The following SNX8 variants were observed in gnomAD, a reference collection of about 807,000 sequenced individuals.
The protein encoded by SNX8 is sorting nexin-8.
Under a neutral mutation model 51.6 loss-of-function variants are expected in SNX8, and 25 were observed. The observed-to-expected ratio is 0.48, with a 90% CI of 0.35 to 0.68. The LOEUF is 0.68. Ranked by LOEUF, SNX8 falls within the 30% of genes least tolerant of loss-of-function variation. The pLI, the probability that SNX8 is intolerant of heterozygous loss-of-function variation, is 0.00. For missense variants in SNX8, 695 were observed against 624.0 expected (o/e 1.11, Z -1.21); for synonymous variants, 324 against 277.0 (o/e 1.17, Z -1.68).
intron 1 of SNX8, among the ~76,000 whole-genome samples, chr7:2,348,410 G>A (rs1186560419): frequency 4.0e-5 from 6 of 149,016 alleles, no homozygotes; most frequent in Admixed American, 3.4e-4. Flanking sequence ...GCGCGATCTC[G>A]GCTCACTGCA....
intron 1 of SNX8, among the ~76,000 whole-genome samples, chr7:2,342,853 C>T (rs780638180): frequency 2.0e-5 from 3 of 151,630 alleles, no homozygotes; most frequent in Non-Finnish European, 4.4e-5. Context: ...GACGGAGTCT[C>T]GCTCTGTCGC....
At chr7:2,272,594 T>C (rs911805236) in intron 3 of SNX8, among the ~76,000 whole-genome samples, 1 of 152,122 alleles carries the variant, frequency 6.6e-6, no homozygotes. Context: ...CACGCTGGTC[T>C]CCAACTCCTG....
intron 1 of SNX8, among the ~76,000 whole-genome samples, chr7:2,346,906 ATTG>A (rs1779040722): frequency 7.2e-6 from 1 of 138,858 alleles, no homozygotes; most frequent in African/African-American, 2.6e-5. Flanking sequence ...GGCGACAGAG[ATTG>A]AGACTCCGTC....
intron 1 of SNX8, among the ~76,000 whole-genome samples, chr7:2,303,123 G>A (rs1431095380): frequency 5.7e-5 from 8 of 141,162 alleles, no homozygotes; most frequent in East Asian, 2.2e-4. Context: ...TCAGCCCCCC[G>A]CCCGGCCAGC....
At chr7:2,351,637 CCTGA>C (rs1271373617) in intron 1 of SNX8, among the ~76,000 whole-genome samples, 1 of 151,836 alleles carries the variant, frequency 6.6e-6, no homozygotes, top group South Asian at 2.1e-4. Context: ...GTGAGACCAT[CCTGA>C]CTAACAGGAT....
At chr7:2,260,153 T>C (rs1795301774) in intron 7 of SNX8, among the ~76,000 whole-genome samples, 1 of 152,108 alleles carries the variant, frequency 6.6e-6, no homozygotes, top group South Asian at 2.1e-4. Context: ...TGGAGTGCAG[T>C]GGCATGATCT....
intron 1 of SNX8, among the ~76,000 whole-genome samples, chr7:2,306,392 G>A (rs1397871439): frequency 1.3e-5 from 2 of 152,134 alleles, no homozygotes; most frequent in Admixed American, 6.6e-5. Flanking sequence ...TTACAGGCGT[G>A]AGCCACCGTG....
chr7:2,260,975 T>G (rs905400593), intron 7 of SNX8, among the ~76,000 whole-genome samples: 3 of 152,228 alleles, frequency 2.0e-5, no homozygotes, highest in African/African-American at 7.2e-5. Context: ...TCATGAGTGA[T>G]GCTCATCCTG....
At chr7:2,273,229 A>C (rs1047100260) in intron 3 of SNX8, among the ~76,000 whole-genome samples, 1 of 152,004 alleles carries the variant, frequency 6.6e-6, no homozygotes, top group African/African-American at 2.4e-5. Context: ...AGGGCAGATC[A>C]CTTGAGGCCA....
At chr7:2,277,733 G>A (rs1247896818) in intron 2 of SNX8, among the ~76,000 whole-genome samples, 1 of 152,150 alleles carries the variant, frequency 6.6e-6, no homozygotes, top group East Asian at 1.9e-4. Context: ...CTTGAACCCG[G>A]GAGGCAGAGT....
intron 1 of SNX8, among the ~76,000 whole-genome samples, chr7:2,344,574 T>C (rs1583127483): frequency 1.4e-5 from 2 of 144,098 alleles, no homozygotes; most frequent in South Asian, 4.4e-4. Context: ...ATCGCGCCAC[T>C]GCACTCCAGC....
At chr7:2,265,130 G>A (rs530136586) in intron 5 of SNX8, among the ~76,000 whole-genome samples, 4 of 152,194 alleles carry the variant, frequency 2.6e-5, no homozygotes, top group South Asian at 2.1e-4. Flanking sequence ...CGAGTAGGGC[G>A]AATCACGAGG....
chr7:2,281,704 C>G (rs1295144936), intron 1 of SNX8, among the ~76,000 whole-genome samples: 1 of 152,164 alleles, frequency 6.6e-6, no homozygotes, highest in Non-Finnish European at 1.5e-5. Flanking sequence ...TGGCCCCCAG[C>G]TGGAAAGGCT....
In SNX8 at chr7:2,254,921, G is replaced by A. The variant is rs530709780; in HGVS notation, c.*135C>T. 2.9e-6 allele frequency: 2 copies of A among 691,286 alleles called. No individual in the cohort carries two copies. The highest frequency in any genetic ancestry group is 2.7e-5 in the East Asian group (1 of 36,792). The allele number at this position is 691,286 out of a possible 1,614,324, so 42.8% of individuals were successfully genotyped here. Reference sequence around the variant, plus strand: ...GATGCGCCTCCCGACCCGCAGGCGTGAGCTCCTCTGCTCCAGCTGCAGCAC... The same window carrying A: ...GATGCGCCTCCCGACCCGCAGGCGTAAGCTCCTCTGCTCCAGCTGCAGCAC... On this transcript the variant is annotated 3_prime_UTR_variant, in exon 11 of 11. Transcript: ENST00000222990.
rs1562430410 is a variant in SNX8, at chr7:2,271,985, C to CG, written c.419-15dup. 1.2e-6 allele frequency: 2 copies of CG among 1,613,768 alleles called. No individual in the cohort carries two copies. Among genetic ancestry groups the CG allele is most frequent in the Admixed American group, 3.3e-5 (2 of 60,020 alleles). On this transcript the variant is annotated splice_polypyrimidine_tract_variant and intron_variant, in intron 3 of 10. Coordinates refer to ENST00000222990, the MANE Select transcript of SNX8 (RefSeq NM_013321.4). ...ACTCCCTGTCAGCTGGAGGAGCACACGGGGTCACTGGACAGAGTCCAGGGC... is the reference window on the plus strand; with the variant it reads ...ACTCCCTGTCAGCTGGAGGAGCACACGGGGGTCACTGGACAGAGTCCAGGGC...
At chr7:2,314,252 G>C in intron 1 of SNX8, 76 bp downstream of exon 1, 2 of 1,206,090 alleles carry the variant, frequency 1.7e-6, no homozygotes, top group Non-Finnish European at 2.1e-6. Flanking sequence ...AAGCGCGGCG[G>C]CTGAGCCCCG....
chr7:2,287,064 G>A (rs901794280), intron 1 of SNX8, among the ~76,000 whole-genome samples: 1 of 151,648 alleles, frequency 6.6e-6, no homozygotes, highest in Non-Finnish European at 1.5e-5. Flanking sequence ...CTTGAACTCA[G>A]GAGGCAGAGG....
Position 2,273,543 on chromosome 7 carries a change from A to T in SNX8, c.418+1569T>A, listed in dbSNP as rs576887968. ...GGAGCTTGCAGTGAGCCGAGACCGC[A>T]CCACTGCACTCCAGCCTGGGTGACA... On this transcript the variant is annotated intron_variant, in intron 3 of 10. Transcript: ENST00000222990. 2.5e-4 allele frequency among the ~76,000 whole-genome samples: 37 copies of T among 149,970 alleles called. 1 individual carries two copies. The East Asian group carries it at 4.6e-3, about 19-fold the overall frequency.
intron 1 of SNX8, among the ~76,000 whole-genome samples, chr7:2,327,275 T>C (rs970404895): frequency 1.4e-4 from 21 of 152,168 alleles, no homozygotes; most frequent in Non-Finnish European, 1.5e-5. Context: ...AGTCTGGCTC[T>C]GTTGCCCAGG....
Sources: gnomAD v4.1 joint callset for allele counts (sites outside exome capture counted in the v4.1 genomes callset) on GRCh38, gnomAD v4.1.1 for gene constraint, MANE v1.5 for transcripts, NCBI Gene and HGNC (gene_info 2026-07-23, HGNC 2026-07-21) for gene names.